The following FARP2 variants were observed in gnomAD, a reference collection of about 807,000 sequenced individuals.
FARP2 encodes FERM, ARH/RhoGEF and pleckstrin domain protein 2.
Under a neutral mutation model 130.5 loss-of-function variants are expected in FARP2, and 111 were observed. The observed-to-expected ratio is 0.85, with a 90% confidence interval of 0.73 to 1.00. FARP2 has a LOEUF of 1.00. FARP2 is among the 50% of genes least tolerant of loss of function. The probability of loss-of-function intolerance (pLI) is 0.00; values close to 1 mark genes in which losing one functional copy is unlikely to be tolerated. For missense variants in FARP2, 1,385 were observed against 1,346.3 expected (o/e 1.03, Z -0.45); for synonymous variants, 504 against 516.9 (o/e 0.98, Z 0.34).
At chr2:241,437,576 AT>A (rs141842500) in intron 12 of FARP2, among the ~76,000 whole-genome samples, 4,967 of 151,514 alleles carry the variant, frequency 0.033, 493 homozygotes, top group Admixed American at 0.19. Flanking sequence ...AGTGATTCTC[AT>A]TCCTCAGCCT....
At chr2:241,360,921 A>G (rs931802396) in intron 1 of FARP2, among the ~76,000 whole-genome samples, 4 of 151,834 alleles carry the variant, frequency 2.6e-5, no homozygotes, top group African/African-American at 9.7e-5. Context: ...CATAAAACTT[A>G]TGGTTTCACA....
At position 241,395,593 on chromosome 2, in the gene FARP2, A is replaced by T. The variant is rs1483860028; in HGVS notation, c.184-8235A>T. 3.9e-5 allele frequency: 6 copies of T among 152,168 alleles called. No individual in the cohort carries two copies. The East Asian group carries it at 1.2e-3, about 29-fold the overall frequency. 9.4% of individuals were successfully genotyped at this position (152,168 alleles called of 1,614,324 possible). On this transcript the variant is annotated intron_variant, in intron 2 of 26. Transcript: ENST00000264042. ...AGCCTTTCTTTGTGGCCTGCATTGT[A>T]CCTCACACACTGCCTGCTACTTCTG...
chr2:241,397,748 T>C (rs766156323), intron 2 of FARP2, among the ~76,000 whole-genome samples: 3 of 152,020 alleles, frequency 2.0e-5, no homozygotes, highest in Non-Finnish European at 2.9e-5. Flanking sequence ...AGTTCACAGC[T>C]CAGAGACTTT....
chr2:241,416,152 G>A (rs1225589897), intron 7 of FARP2, among the ~76,000 whole-genome samples: 2 of 152,026 alleles, frequency 1.3e-5, no homozygotes, highest in Non-Finnish European at 2.9e-5. Context: ...GTGTGTTGAT[G>A]TGTGTTCCTG....
chr2:241,417,660 CAGT>C (rs1335236115), intron 7 of FARP2, among the ~76,000 whole-genome samples: 9 of 152,196 alleles, frequency 5.9e-5, no homozygotes, highest in African/African-American at 2.2e-4. Flanking sequence ...TTGTCTCTGC[CAGT>C]AGTATTTGTG....
intron 13 of FARP2, chr2:241,443,956 T>C (rs960032759): frequency 1.3e-5 from 2 of 152,276 alleles, no homozygotes; most frequent in African/African-American, 4.8e-5. Flanking sequence ...GTCTGAGCCA[T>C]TGAGGGCATC....
In FARP2 at chr2:241,456,916, A is replaced by G. The variant is rs1485513218; in HGVS notation, c.1581A>G (p.Arg527=). Residue 527 remains arginine, a synonymous_variant, in exon 14 of 27, where the codon AGA becomes AGG. Transcript: ENST00000264042. ...GGAGMDCEEP[R]HKRVPADEAY... is the part of the protein sequence containing the mutation. ...CCGGGATGGACTGCGAGGAGCCCAG[A>G]CACAAGGTGGGCCCCTCGAGGCTGA... is the stretch of plus-strand genomic sequence containing the variant. 1 of 1,594,224 alleles carries G rather than the reference A, an allele frequency of 6.3e-7. No individual in the cohort carries two copies. Among genetic ancestry groups the G allele is most frequent in the South Asian group, 1.1e-5 (1 of 89,036 alleles).
At chr2:241,423,324 A>G (rs1056001800) in intron 8 of FARP2, among the ~76,000 whole-genome samples, 7 of 152,244 alleles carry the variant, frequency 4.6e-5, no homozygotes, top group African/African-American at 1.7e-4. Context: ...TTCTTAGGAA[A>G]AAATTTCCAA....
At chr2:241,441,735 G>C (rs1334090600) in intron 13 of FARP2, 179 bp downstream of exon 13, 1 of 947,874 alleles carries the variant, frequency 1.1e-6, no homozygotes, top group South Asian at 1.5e-5. Flanking sequence ...GGGAGCACCG[G>C]TGTGACCGGC....
chr2:241,365,171 C>A (rs973901607), intron 1 of FARP2, among the ~76,000 whole-genome samples: 9 of 152,124 alleles, frequency 5.9e-5, no homozygotes, highest in Non-Finnish European at 8.8e-5. Flanking sequence ...TTTGTTTTGA[C>A]TTGTGGAAAA....
intron 2 of FARP2, among the ~76,000 whole-genome samples, chr2:241,388,203 G>C (rs1057303449): frequency 2.0e-5 from 3 of 152,168 alleles, no homozygotes; most frequent in African/African-American, 7.2e-5. Flanking sequence ...CAATAATCAA[G>C]GCAATGTGGT....
intron 12 of FARP2, among the ~76,000 whole-genome samples, 189 bp downstream of exon 12, chr2:241,436,727 G>A (rs763349986): frequency 4.6e-5 from 7 of 152,268 alleles, no homozygotes; most frequent in Non-Finnish European, 7.3e-5. Context: ...GCCCATGCCT[G>A]TAATCCCAGC....
chr2:241,400,163 G>C (rs2062130730), intron 2 of FARP2, among the ~76,000 whole-genome samples: 1 of 152,160 alleles, frequency 6.6e-6, no homozygotes, highest in Non-Finnish European at 1.5e-5. Context: ...GGCAGTGCAG[G>C]GGCTCAGGTA....
chr2:241,438,650 GAC>G (rs1251733442), intron 12 of FARP2, among the ~76,000 whole-genome samples: 2 of 136,698 alleles, frequency 1.5e-5, no homozygotes, highest in Non-Finnish European at 1.5e-5. Flanking sequence ...TTTTTTTTGA[GAC>G]AGAGTCTCGC....
At position 241,356,863 on chromosome 2, in the gene FARP2, G is replaced by A. The variant is rs578082838; in HGVS notation, c.-25+475G>A. On this transcript the variant is annotated intron_variant, in intron 1 of 26. Coordinates refer to ENST00000264042, the MANE Select transcript of FARP2 (RefSeq NM_014808.4). ...GTGCCTGGTGGAGGCATTTTGAGCC[G>A]TTTGCCTTTTTAGCATTTCTTTAAA... Among the ~76,000 whole-genome samples the A allele has an allele frequency of 2.0e-5, 3 of 152,364 alleles. No homozygotes were observed. In the East Asian group the frequency reaches 5.8e-4, roughly 29 times the overall value.
At chr2:241,376,303 A>G (rs1035477989) in intron 2 of FARP2, among the ~76,000 whole-genome samples, 1 of 152,208 alleles carries the variant, frequency 6.6e-6, no homozygotes, top group Non-Finnish European at 1.5e-5. Flanking sequence ...GCCACATTTT[A>G]TTAATCAAAG....
In FARP2 at chr2:241,490,925, G is replaced by T. The variant is rs929625526; in HGVS notation, c.2505-136G>T. 5.6e-6 allele frequency: 4 copies of T among 714,656 alleles called. No homozygotes were observed. In the East Asian group the frequency reaches 7.4e-5, roughly 13 times the overall value. The allele number at this position is 714,656 out of a possible 1,614,324, so 44.3% of individuals were successfully genotyped here. A position where few individuals can be genotyped will look rare whatever the true frequency, so the allele number is the denominator to read the frequency against. On this transcript the variant is annotated intron_variant, in intron 22 of 26. Coordinates refer to ENST00000264042, the MANE Select transcript of FARP2 (RefSeq NM_014808.4). ...CTGCTATTCTCGCTGGAGGGGACACGTTTCCCAGTCCTCTCACCAGGCAGG... is the reference window on the plus strand; with the variant it reads ...CTGCTATTCTCGCTGGAGGGGACACTTTTCCCAGTCCTCTCACCAGGCAGG...
intron 13 of FARP2, among the ~76,000 whole-genome samples, chr2:241,449,051 ACTC>A (rs2063580922): frequency 6.6e-6 from 1 of 152,188 alleles, no homozygotes; most frequent in Admixed American, 6.5e-5. Flanking sequence ...TGTAAGATCC[ACTC>A]ATGACATCCT....
At position 241,435,025 on chromosome 2, in the gene FARP2, T is replaced by A; in HGVS notation, c.1095T>A (p.Tyr365Ter). The A allele has an allele frequency of 6.3e-7, 1 of 1,581,188 alleles. No individual in the cohort carries two copies. The highest frequency in any genetic ancestry group is 1.7e-4 in the Middle Eastern group (1 of 5,988). The change falls in exon 11 of 27, where the codon TAT (tyrosine) becomes TAA (stop). Residue 365 changes from tyrosine (Y) to a stop codon, truncating the protein, a stop_gained. Transcript: ENST00000264042. LOFTEE classifies it high-confidence loss of function. ...FKDSGMKRIP[Y>*]ERRHSKTHTS... ...ACAGTGGAATGAAGAGAATTCCATA[T>A]GAAAGGTAAGCTCTGGCCTTTATGA...
Sources: allele counts gnomAD v4.1 joint callset (sites outside exome capture counted in the v4.1 genomes callset), GRCh38; gene constraint gnomAD v4.1.1; transcripts MANE v1.5; gene names NCBI Gene and HGNC (gene_info 2026-07-23, HGNC 2026-07-21).